GSE1: variants seen among roughly 807,000 people sequenced by gnomAD.
The protein encoded by GSE1 is genetic suppressor element 1.
GSE1 carries 32 observed loss-of-function variants against 112.6 expected under a neutral mutation model. The observed-to-expected ratio is 0.28, with a 90% CI of 0.21 to 0.38. The LOEUF (loss-of-function observed/expected upper bound fraction) is 0.38. GSE1 is among the 10% of genes least tolerant of loss of function. GSE1 has a pLI of 1.00. For synonymous variants in GSE1, 1,115 were observed against 735.6 expected, an observed-to-expected ratio of 1.52 and a Z score of -8.35; for missense variants, 2,348 against 1,699.2, an observed-to-expected ratio of 1.38 and a Z score of -6.71.
At position 85,251,995 on chromosome 16, in the gene GSE1, C is replaced by T. The variant is rs537339328; in HGVS notation, c.2283+80188C>T. Among the ~76,000 whole-genome samples the T allele has an allele frequency of 1.2e-4, 19 of 152,306 alleles. No homozygotes were observed. The South Asian group carries it at 2.7e-3, about 22-fold the overall frequency. On this transcript the variant is annotated intron_variant, in intron 1 of 2. Coordinates refer to the GSE1 transcript ENST00000637419. Reference sequence around the variant, plus strand: ...CAGCTCCATTTTAGAGATGAGGAAACGGAGGCATAGAGAGGTGAGTCACTG... The same window carrying T: ...CAGCTCCATTTTAGAGATGAGGAAATGGAGGCATAGAGAGGTGAGTCACTG...
At chr16:85,404,690 A>G (rs1597623537) in intron 2 of GSE1, among the ~76,000 whole-genome samples, 1 of 36,868 alleles carries the variant, frequency 2.7e-5, no homozygotes, top group Admixed American at 3.1e-4. Context: ...TGTTACACTC[A>G]GGCCCCCCGG....
intron 8 of GSE1, among the ~76,000 whole-genome samples, chr16:85,658,362 A>C (rs893857615): frequency 1.6e-4 from 25 of 152,126 alleles, no homozygotes; most frequent in Admixed American, 1.1e-3. Context: ...GGACCTAGGG[A>C]CACTGATTCT....
intron 1 of GSE1, among the ~76,000 whole-genome samples, chr16:85,262,209 T>C (rs1409128192): frequency 1.3e-5 from 2 of 152,238 alleles, no homozygotes; most frequent in Non-Finnish European, 2.9e-5. Context: ...ATGGTTTTAA[T>C]TTATCCCCCT....
intron 2 of GSE1, among the ~76,000 whole-genome samples, chr16:85,636,224 C>T (rs1043506850): frequency 2.0e-5 from 3 of 152,192 alleles, no homozygotes; most frequent in East Asian, 1.9e-4. Flanking sequence ...GGCAGAGGGT[C>T]GGGAGAGCGG....
At chr16:85,415,625 C>T (rs535861050) in intron 2 of GSE1, among the ~76,000 whole-genome samples, 1 of 152,360 alleles carries the variant, frequency 6.6e-6, no homozygotes, top group East Asian at 1.9e-4. Context: ...ACCCCGTGAT[C>T]GGGATCTGCT....
intron 2 of GSE1, among the ~76,000 whole-genome samples, chr16:85,369,843 T>C (rs1353128953): frequency 2.0e-5 from 3 of 152,220 alleles, no homozygotes; most frequent in African/African-American, 7.2e-5. Flanking sequence ...CAGGCACTGT[T>C]GTAGGTGCTT....
chr16:85,558,838 T>C (rs561777009), intron 1 of GSE1, among the ~76,000 whole-genome samples: 3 of 152,028 alleles, frequency 2.0e-5, no homozygotes, highest in South Asian at 4.2e-4. Flanking sequence ...GCATTGAGAG[T>C]GATGGAAACG....
At chr16:85,575,101 G>A (rs1397947262) in intron 1 of GSE1, among the ~76,000 whole-genome samples, 1 of 140,844 alleles carries the variant, frequency 7.1e-6, no homozygotes, top group Non-Finnish European at 1.5e-5. Context: ...GCTGCCTATT[G>A]TCAGAAGACA....
chr16:85,187,527 A>G (rs923197664), intron 1 of GSE1, among the ~76,000 whole-genome samples: 1 of 152,210 alleles, frequency 6.6e-6, no homozygotes, highest in Non-Finnish European at 1.5e-5. Context: ...CATCCTTACA[A>G]AAGAAGCTGA....
intron 2 of GSE1, among the ~76,000 whole-genome samples, chr16:85,371,206 C>T (rs1015859669): frequency 8.5e-5 from 13 of 152,216 alleles, no homozygotes; most frequent in Non-Finnish European, 1.9e-4. Flanking sequence ...CAGGCCAGGG[C>T]AGGGGGGCCA....
intron 2 of GSE1, among the ~76,000 whole-genome samples, chr16:85,508,908 G>T (rs2051635934): frequency 6.6e-6 from 1 of 152,218 alleles, no homozygotes; most frequent in East Asian, 1.9e-4. Context: ...CTCAGCGTAT[G>T]TGCACTGGGC....
chr16:85,189,961 T>C (rs1201742389), intron 1 of GSE1, among the ~76,000 whole-genome samples: 1 of 152,262 alleles, frequency 6.6e-6, no homozygotes, highest in Non-Finnish European at 1.5e-5. Flanking sequence ...GATTTACCTC[T>C]TTAAAGTTTT....
intron 1 of GSE1, among the ~76,000 whole-genome samples, chr16:85,291,279 C>T (rs773914302): frequency 8.5e-5 from 13 of 152,180 alleles, no homozygotes; most frequent in Non-Finnish European, 1.8e-4. Flanking sequence ...CCAGGCGTCC[C>T]TCCTCACCCT....
intron 1 of GSE1, among the ~76,000 whole-genome samples, chr16:85,598,167 GTTTTTTTTTT>G (rs973836177): frequency 7.0e-5 from 5 of 71,546 alleles, no homozygotes; most frequent in Non-Finnish European, 1.3e-4. Context: ...AGGTTTGGTT[GTTTTTTTTTT>G]TTTTTTTTTT....
intron 14 of GSE1, among the ~76,000 whole-genome samples, chr16:85,668,814 C>T (rs2152004925): frequency 6.6e-6 from 1 of 152,334 alleles, no homozygotes; most frequent in African/African-American, 2.4e-5. Flanking sequence ...ATGCCTCTTG[C>T]CTAGTGACAG....
At chr16:85,657,248 A>G in intron 7 of GSE1, 29 bp from the exon 8 acceptor site, 1 of 1,481,716 alleles carries the variant, frequency 6.7e-7, no homozygotes, top group Non-Finnish European at 9.1e-7. Context: ...CGTGGCTGAG[A>G]TCCTGCTTGA....
chr16:85,615,117 C>T (rs926462350), intron 1 of GSE1, among the ~76,000 whole-genome samples: 1 of 152,224 alleles, frequency 6.6e-6, no homozygotes, highest in Non-Finnish European at 1.5e-5. Context: ...GCTTGGGGCA[C>T]TTCAGTGTTG....
At chr16:85,643,484 A>ACTTCCTCACCCGCGCCTCTTT (rs1391761139) in intron 2 of GSE1, among the ~76,000 whole-genome samples, 2 of 151,058 alleles carry the variant, frequency 1.3e-5, no homozygotes, top group Admixed American at 6.6e-5. Context: ...CACCCCTCTT[A>ACTTCCTCACCCGCGCCTCTTT]CTTCCTCACC....
At chr16:85,565,352 C>G (rs1279335196) in intron 1 of GSE1, among the ~76,000 whole-genome samples, 2 of 151,186 alleles carry the variant, frequency 1.3e-5, no homozygotes, top group African/African-American at 4.9e-5. Flanking sequence ...GATGGTGCCA[C>G]TGCACTCCAG....
Sources: allele counts gnomAD v4.1 joint callset (sites outside exome capture counted in the v4.1 genomes callset), GRCh38; gene constraint gnomAD v4.1.1; transcripts MANE v1.5; gene names NCBI Gene and HGNC (gene_info 2026-07-23, HGNC 2026-07-21).